SCN8A: variants seen among roughly 807,000 people sequenced by gnomAD.
SCN8A encodes the protein sodium channel protein type 8 subunit alpha.
A neutral mutation model predicts 184.1 loss-of-function variants in SCN8A; 30 were observed. That is an observed-to-expected ratio of 0.16 (90% CI 0.12 to 0.22). The LOEUF (loss-of-function observed/expected upper bound fraction) is 0.22, where lower values mean the gene tolerates loss of function less well. Ranked by LOEUF, SCN8A falls within the 10% of genes least tolerant of loss-of-function variation. The pLI is 1.00. For missense variants in SCN8A, 1,057 were observed against 2,498.9 expected, an observed-to-expected ratio of 0.42 and a Z score of 12.30; for synonymous variants, 852 against 907.0, an observed-to-expected ratio of 0.94 and a Z score of 1.09.
intron 14 of SCN8A, among the ~76,000 whole-genome samples, chr12:51,757,399 A>G (rs1942692898): frequency 6.6e-6 from 1 of 152,280 alleles, no homozygotes; most frequent in South Asian, 2.1e-4. Context: ...TCTACTGCAG[A>G]ACAGGAGCTG....
At chr12:51,671,711 G>A (rs954903162) in intron 2 of SCN8A, among the ~76,000 whole-genome samples, 1 of 152,160 alleles carries the variant, frequency 6.6e-6, no homozygotes, top group African/African-American at 2.4e-5. Context: ...ATTTTACAGA[G>A]GGATGCTTCT....
At chr12:51,601,368 C>T (rs1411695461) in intron 1 of SCN8A, among the ~76,000 whole-genome samples, 1 of 151,496 alleles carries the variant, frequency 6.6e-6, no homozygotes, top group Non-Finnish European at 1.5e-5. Flanking sequence ...AGTGCACAGA[C>T]TGAATGATTA....
intron 1 of SCN8A, among the ~76,000 whole-genome samples, chr12:51,605,170 G>A (rs375561008): frequency 1.3e-4 from 20 of 150,186 alleles, no homozygotes; most frequent in African/African-American, 4.8e-4. Flanking sequence ...GGTTACATCA[G>A]TAAGTTCTTT....
At chr12:51,609,626 A>T (rs1462124483) in intron 1 of SCN8A, among the ~76,000 whole-genome samples, 1 of 152,192 alleles carries the variant, frequency 6.6e-6, no homozygotes, top group African/African-American at 2.4e-5. Flanking sequence ...GCAGTGGCTC[A>T]CGCCTGTAAT....
rs118050982 is a variant in SCN8A at position 51,753,116 on chromosome 12, G to A, written c.2370+1523G>A. On this transcript the variant is annotated intron_variant, in intron 14 of 26. Coordinates refer to ENST00000627620, the MANE Select transcript of SCN8A (RefSeq NM_001330260.2). The stretch of plus-strand genomic sequence containing the variant: ...ACATCTAAATTAGAATTGTAAGTAT[G>A]CAGAAGACTTTGCTCAGAACCATCA... Among the ~76,000 whole-genome samples, 1,100 of 152,194 alleles carry A rather than the reference G, an allele frequency of 7.2e-3. 7 individuals carry two copies. Among genetic ancestry groups the A allele is most frequent in the Non-Finnish European group, 0.012 (826 of 68,014 alleles).
chr12:51,806,960 A>G lies in SCN8A; in HGVS notation c.5474A>G (p.Asn1825Ser), dbSNP rs1938719289. 1 of 1,613,984 alleles carries G rather than the reference A, an allele frequency of 6.2e-7. No homozygotes were observed. Among genetic ancestry groups the G allele is most frequent in the South Asian group, 1.1e-5 (1 of 91,084 alleles). ...CATCCTCTCCGAGTGCCCAAGCCCA[A>G]TACCATTGAGCTCATCGCTATGGAT... ...LEHPLRVPKP[N>S]TIELIAMDLP... The change falls in exon 27 of 27, where the codon AAT (asparagine) becomes AGT (serine). Residue 1825 changes from asparagine (N) to serine (S), a missense_variant. Transcript: ENST00000627620. This position sits in a 1 kb window ranked among gnomAD's most constrained non-coding sequence, Gnocchi z 8.7.
At position 51,770,677 on chromosome 12, in the gene SCN8A, C is replaced by T. The variant is rs113227803; in HGVS notation, c.3639C>T (p.Gly1213=). 1.7e-5 allele frequency: 27 copies of T among 1,613,686 alleles called. No individual in the cohort carries two copies. The highest frequency in any genetic ancestry group is 1.1e-4 in the African/African-American group (8 of 74,880). ...TCTTCATGATTCTGCTGAGCAGTGG[C>T]GCCCTGGTGAGGTCCAGGGGAGAGT... is the stretch of plus-strand genomic sequence containing the variant. The part of the protein sequence containing the change: ...FIIFMILLSS[G]ALAFEDIYIE... The change falls in exon 19 of 27, where the codon GGC becomes GGT. Residue 1213 remains glycine, a synonymous_variant. Transcript: ENST00000627620.
In SCN8A at chr12:51,684,230, C is replaced by T. The variant is rs753507824; in HGVS notation, c.333C>T (p.Ala111=). 2 of 1,609,514 alleles carry T rather than the reference C, an allele frequency of 1.2e-6. No individual in the cohort carries two copies. Among genetic ancestry groups the T allele is most frequent in the African/African-American group, 2.7e-5 (2 of 74,808 alleles). The change falls in exon 3 of 27, where the codon GCC becomes GCT. Residue 111 remains alanine, a synonymous_variant. Coordinates refer to ENST00000627620, the MANE Select transcript of SCN8A (RefSeq NM_001330260.2). ...TCTTCAGATTTAGTGCCACGCCTGCCTTGTACATTTTAAGTCCTTTTAACC... is the reference window on the plus strand; with the variant it reads ...TCTTCAGATTTAGTGCCACGCCTGCTTTGTACATTTTAAGTCCTTTTAACC... The part of the protein sequence containing the change: ...KTLFRFSATP[A]LYILSPFNLI...
chr12:51,675,490 T>C (rs1391467403), intron 2 of SCN8A, among the ~76,000 whole-genome samples: 1 of 152,154 alleles, frequency 6.6e-6, no homozygotes, highest in Non-Finnish European at 1.5e-5. Flanking sequence ...TTGCAACAGT[T>C]AAAGTTATTA....
At chr12:51,769,477 C>T in intron 17 of SCN8A, 142 bp downstream of exon 17, 1 of 634,124 alleles carries the variant, frequency 1.6e-6, no homozygotes, top group Non-Finnish European at 2.7e-6. Context: ...TCCACCATCC[C>T]AGTATCATTC....
chr12:51,720,132 C>A (rs1592404034), intron 11 of SCN8A, among the ~76,000 whole-genome samples: 1 of 144,976 alleles, frequency 6.9e-6, no homozygotes. Flanking sequence ...ACAAACTTTA[C>A]GGTAAACAAG....
chr12:51,790,349 C>A, intron 24 of SCN8A, 49 bp from the exon 25 acceptor site: 2 of 1,340,932 alleles, frequency 1.5e-6, no homozygotes, highest in Non-Finnish European at 2.1e-6. Flanking sequence ...AAACCCATAG[C>A]ATGTTGAGAG....
At chr12:51,700,734 G>C (rs1941673520) in intron 7 of SCN8A, among the ~76,000 whole-genome samples, 1 of 152,138 alleles carries the variant, frequency 6.6e-6, no homozygotes, top group South Asian at 2.1e-4. Context: ...ATTTAAAATA[G>C]GACCTAGTAT....
At chr12:51,655,026 A>G (rs1170044044) in intron 1 of SCN8A, among the ~76,000 whole-genome samples, 3 of 152,106 alleles carry the variant, frequency 2.0e-5, no homozygotes, top group Non-Finnish European at 4.4e-5. Context: ...TAGCTACCCA[A>G]GTAGTTTGGA....
Position 51,688,988 on chromosome 12 carries a change from G to A in SCN8A, c.615-17G>A, listed in dbSNP as rs772641973. ...GTGTTTGTCACTTGTGTCTGTGTGT[G>A]ACCTCCCTTACTACAGATATGTGAC... is the stretch of plus-strand genomic sequence containing the variant. On this transcript the variant is annotated splice_polypyrimidine_tract_variant and intron_variant, in intron 5 of 26. Transcript: ENST00000627620. 6.2e-7 allele frequency: 1 copy of A among 1,607,878 alleles called. No homozygotes were observed. Among genetic ancestry groups the A allele is most frequent in the Non-Finnish European group, 8.5e-7 (1 of 1,174,450 alleles).
chr12:51,752,787 A>C (rs1592143550), intron 14 of SCN8A, among the ~76,000 whole-genome samples: 1 of 152,238 alleles, frequency 6.6e-6, no homozygotes, highest in East Asian at 1.9e-4. Context: ...TACCTTGGCC[A>C]TCAAGCAGAA....
At chr12:51,798,491 A>T (rs1313129560) in intron 26 of SCN8A, among the ~76,000 whole-genome samples, 1 of 152,154 alleles carries the variant, frequency 6.6e-6, no homozygotes, top group African/African-American at 2.4e-5. Flanking sequence ...ACCCCGAGGA[A>T]TGGTGTCATA....
At chr12:51,796,589 G>A (rs1273170361) in intron 26 of SCN8A, among the ~76,000 whole-genome samples, 1 of 152,198 alleles carries the variant, frequency 6.6e-6, no homozygotes, top group Non-Finnish European at 1.5e-5. Context: ...TAATAGGATA[G>A]ATGTATATAT....
rs1565918070 is a variant in SCN8A at position 51,769,199 on chromosome 12, T to C, written c.3236T>C (p.Ile1079Thr). The C allele has an allele frequency of 1.9e-6, 3 of 1,613,968 alleles. No homozygotes were observed. The highest frequency in any genetic ancestry group is 2.5e-6 in the Non-Finnish European group (3 of 1,179,886). ...GIGSSVEKYI[I>T]DEDHMSFINN... is the part of the protein sequence containing the mutation. ...GGCAGCAGCGTGGAGAAGTACATCA[T>C]TGATGAGGACCACATGTCCTTCATC... The change falls in exon 17 of 27, where the codon ATT (isoleucine) becomes ACT (threonine). Residue 1079 changes from isoleucine to threonine, a missense_variant. By Grantham distance (89) the Ile-to-Thr change is moderately conservative. This residue lies in a region of SCN8A where 178 missense variants were observed against 259.6 expected (regional missense o/e 0.69). Coordinates refer to ENST00000627620, the MANE Select transcript of SCN8A (RefSeq NM_001330260.2).
Sources: gnomAD v4.1 joint callset for allele counts (sites outside exome capture counted in the v4.1 genomes callset) on GRCh38, gnomAD v4.1.1 for gene constraint, gnomAD v4.1.1 regional missense constraint, Gnocchi (gnomAD v3.1) non-coding constraint, MANE v1.5 for transcripts, NCBI Gene and HGNC (gene_info 2026-07-23, HGNC 2026-07-21) for gene names.